The following ADCY2 variants were observed in gnomAD, a reference collection of about 807,000 sequenced individuals.
ADCY2 encodes the protein adenylate cyclase 2.
ADCY2 carries 31 observed loss-of-function variants against 125.2 expected under a neutral mutation model. The observed-to-expected ratio is 0.25, with a 90% CI of 0.19 to 0.33. The LOEUF is 0.33. Ranked by LOEUF, ADCY2 falls within the 10% of genes least tolerant of loss-of-function variation. The probability of loss-of-function intolerance (pLI) is 1.00; values close to 1 mark genes in which losing one functional copy is unlikely to be tolerated. For synonymous variants in ADCY2, 512 were observed against 548.4 expected (o/e 0.93, Z 0.93); for missense variants, 904 against 1,418.2 (o/e 0.64, Z 5.82).
intron 3 of ADCY2, among the ~76,000 whole-genome samples, chr5:7,529,320 C>T (rs1468666875): frequency 6.6e-6 from 1 of 152,168 alleles, no homozygotes; most frequent in Non-Finnish European, 1.5e-5. Flanking sequence ...ATAATAACTA[C>T]TGGATGGTAG....
rs879795121 is a variant in ADCY2 at position 7,748,533 on chromosome 5, C to CACACACAG, written c.1956+4788_1956+4789insGACACACA. On this transcript the variant is annotated intron_variant, in intron 15 of 24. Coordinates refer to ENST00000338316, the MANE Select transcript of ADCY2 (RefSeq NM_020546.3). ...CCCCACCCTCCAACACACACACACACACACACACACACACACACACACACA... is the reference window on the plus strand; with the variant it reads ...CCCCACCCTCCAACACACACACACACACACACAGACACACACACACACACACACACACA... Among the ~76,000 whole-genome samples the CACACACAG allele has an allele frequency of 1.5e-3, 108 of 74,238 alleles. 1 individual carries two copies. Among genetic ancestry groups the CACACACAG allele is most frequent in the East Asian group, 9.9e-3 (15 of 1,518 alleles). 48.7% of individuals were successfully genotyped at this position (74,238 alleles called of 152,430 possible).
intron 19 of ADCY2, among the ~76,000 whole-genome samples, chr5:7,789,172 A>T (rs1744175355): frequency 6.6e-6 from 1 of 152,246 alleles, no homozygotes; most frequent in East Asian, 1.9e-4. Flanking sequence ...TGATTACATA[A>T]TTATACAATT....
At chr5:7,601,497 C>T (rs1737200225) in intron 3 of ADCY2, among the ~76,000 whole-genome samples, 1 of 152,188 alleles carries the variant, frequency 6.6e-6, no homozygotes, top group Non-Finnish European at 1.5e-5. Context: ...TCCAAACTCT[C>T]ACCTTCAAGC....
At chr5:7,529,683 T>C (rs911014677) in intron 3 of ADCY2, among the ~76,000 whole-genome samples, 1 of 152,210 alleles carries the variant, frequency 6.6e-6, no homozygotes, top group Non-Finnish European at 1.5e-5. Context: ...CAAGTAAACA[T>C]TGGCTTCCTG....
At position 7,636,965 on chromosome 5, in the gene ADCY2, G is replaced by T. The variant is rs59566992; in HGVS notation, c.720+10649G>T. Among the ~76,000 whole-genome samples the T allele has an allele frequency of 2.0e-5, 3 of 152,296 alleles. No individual in the cohort carries two copies. The East Asian group carries it at 5.8e-4, about 29-fold the overall frequency. ...CAGAGAAGAGGAGCCAAGAAATGCCGCGGGGTTTGTTTGTTCAAGATTTTC... is the reference window on the plus strand; with the variant it reads ...CAGAGAAGAGGAGCCAAGAAATGCCTCGGGGTTTGTTTGTTCAAGATTTTC... On this transcript the variant is annotated intron_variant, in intron 4 of 24. Coordinates refer to ENST00000338316, the MANE Select transcript of ADCY2 (RefSeq NM_020546.3).
At chr5:7,768,738 T>G (rs1280629930) in intron 17 of ADCY2, among the ~76,000 whole-genome samples, 1 of 152,184 alleles carries the variant, frequency 6.6e-6, no homozygotes, top group African/African-American at 2.4e-5. Context: ...CTTTAAAGAT[T>G]CTGAAAAAGC....
intron 2 of ADCY2, among the ~76,000 whole-genome samples, chr5:7,479,144 T>C (rs1742630183): frequency 1.3e-5 from 2 of 152,128 alleles, no homozygotes; most frequent in Admixed American, 6.5e-5. Context: ...TTATAGTTCA[T>C]GCATTGGTGC....
chr5:7,456,180 T>C (rs1468925232), intron 2 of ADCY2, among the ~76,000 whole-genome samples: 1 of 152,104 alleles, frequency 6.6e-6, no homozygotes, highest in African/African-American at 2.4e-5. Context: ...GGACTAATAA[T>C]CATGAGTTTG....
chr5:7,603,784 CT>C, intron 3 of ADCY2, among the ~76,000 whole-genome samples: 6,962 of 62,654 alleles, frequency 0.11, 50 homozygotes, highest in Non-Finnish European at 0.13. Flanking sequence ...TGCTCTCTTT[CT>C]TTTTTTTTTT....
intron 2 of ADCY2, among the ~76,000 whole-genome samples, chr5:7,515,809 G>A (rs900788975): frequency 2.6e-5 from 4 of 152,320 alleles, no homozygotes; most frequent in Middle Eastern, 6.8e-3. Context: ...AGTGAATCAA[G>A]TTCCTGGTTT....
intron 4 of ADCY2, among the ~76,000 whole-genome samples, chr5:7,678,024 G>A (rs1419759355): frequency 6.6e-6 from 1 of 152,000 alleles, no homozygotes; most frequent in African/African-American, 2.4e-5. Flanking sequence ...TATTTTTGTT[G>A]GCATGACAAA....
At chr5:7,628,543 A>C (rs1738205891) in intron 4 of ADCY2, among the ~76,000 whole-genome samples, 1 of 152,176 alleles carries the variant, frequency 6.6e-6, no homozygotes, top group African/African-American at 2.4e-5. Flanking sequence ...TGCATCTACT[A>C]GTTTCAGAAA....
intron 4 of ADCY2, among the ~76,000 whole-genome samples, chr5:7,629,643 C>T (rs2914290): frequency 0.15 from 22,290 of 152,082 alleles, 2,039 homozygotes; most frequent in East Asian, 0.43. Flanking sequence ...GAATTGAGGC[C>T]GCCTTTAGAA....
chr5:7,793,673 C>T (rs370551450), intron 20 of ADCY2: 5 of 152,214 alleles, frequency 3.3e-5, no homozygotes, highest in East Asian at 3.8e-4. Flanking sequence ...TTAGATGAAG[C>T]CAGCTCTGGG....
At chr5:7,399,638 G>A (rs186356512) in intron 1 of ADCY2, among the ~76,000 whole-genome samples, 1 of 152,286 alleles carries the variant, frequency 6.6e-6, no homozygotes, top group East Asian at 1.9e-4. Flanking sequence ...ATTATTTGAA[G>A]ACAGGAAACT....
At chr5:7,418,645 C>CTTTTTTTTTTTTT (rs1160037097) in intron 2 of ADCY2, among the ~76,000 whole-genome samples, 1 of 92,506 alleles carries the variant, frequency 1.1e-5, no homozygotes, top group African/African-American at 5.1e-5. Flanking sequence ...AGTCTACCTT[C>CTTTTTTTTTTTTT]TGTTTTTTTT....
intron 3 of ADCY2, among the ~76,000 whole-genome samples, chr5:7,578,034 G>C (rs1277442871): frequency 6.6e-6 from 1 of 152,182 alleles, no homozygotes; most frequent in Non-Finnish European, 1.5e-5. Context: ...GGCATCCTTA[G>C]TTCTCAGAAA....
chr5:7,658,845 G>C (rs144297183), intron 4 of ADCY2, among the ~76,000 whole-genome samples: 2 of 152,184 alleles, frequency 1.3e-5, no homozygotes, highest in Non-Finnish European at 2.9e-5. Context: ...GTTCACTGCA[G>C]TATTCCTTCT....
chr5:7,791,054 G>A (rs1744235510), intron 20 of ADCY2, among the ~76,000 whole-genome samples: 2 of 151,890 alleles, frequency 1.3e-5, no homozygotes, highest in African/African-American at 4.8e-5. Context: ...TTTTTTTTGG[G>A]GGGGTGTCTA....
Sources: gnomAD v4.1 joint callset for allele counts (sites outside exome capture counted in the v4.1 genomes callset) on GRCh38, gnomAD v4.1.1 for gene constraint, MANE v1.5 for transcripts, NCBI Gene and HGNC (gene_info 2026-07-23, HGNC 2026-07-21) for gene names.